The following SLCO5A1 variants were observed in gnomAD, a reference collection of about 807,000 sequenced individuals.
SLCO5A1 encodes organic anion transporter polypeptide-related protein 4.
In SLCO5A1, 39 loss-of-function variants were observed where a neutral mutation model predicts 65.1. The observed-to-expected ratio is 0.60, with a 90% CI of 0.46 to 0.78. SLCO5A1 has a LOEUF of 0.78. SLCO5A1 is among the 30% of genes least tolerant of loss of function. The pLI is 0.00. For synonymous variants in SLCO5A1, 438 were observed against 415.7 expected, an observed-to-expected ratio of 1.05 and a Z score of -0.65; for missense variants, 1,029 against 1,069.4, an observed-to-expected ratio of 0.96 and a Z score of 0.53.
chr8:69,832,314 G>A lies in SLCO5A1; in HGVS notation c.360C>T (p.Leu120=), dbSNP rs747938990. The change falls in exon 2 of 10, where the codon CTC becomes CTT. Residue 120 remains leucine (L), a synonymous_variant. Coordinates refer to ENST00000260126, the MANE Select transcript of SLCO5A1 (RefSeq NM_030958.3). The surrounding 1 kb of genome is among the most constrained non-coding windows in gnomAD (Gnocchi z 4.5). ...AACGGGAATCCGTGAGGACCACGTA[G>A]AGGCACCTTCTCTCCTGGAGCATGG... The part of the protein sequence containing the change: ...ALAMLQERRC[L]YVVLTDSRCF... The A allele has an allele frequency of 5.6e-6, 9 of 1,614,102 alleles. No individual in the cohort carries two copies. The highest frequency in any genetic ancestry group is 1.1e-5 in the South Asian group (1 of 91,094).
At chr8:69,702,883 AG>A (rs1814805535) in intron 6 of SLCO5A1, among the ~76,000 whole-genome samples, 1 of 152,074 alleles carries the variant, frequency 6.6e-6, no homozygotes, top group South Asian at 2.1e-4. Context: ...TGGGGGCAGG[AG>A]GATCATTTGA....
At chr8:69,729,874 G>A (rs16936383) in intron 5 of SLCO5A1, among the ~76,000 whole-genome samples, 7,683 of 152,116 alleles carry the variant, frequency 0.051, 416 homozygotes, top group African/African-American at 0.13. Flanking sequence ...CTCTCTTCGC[G>A]GGTGGGATTT....
At chr8:69,692,204 G>T (rs1055460572) in intron 6 of SLCO5A1, among the ~76,000 whole-genome samples, 1 of 152,188 alleles carries the variant, frequency 6.6e-6, no homozygotes, top group African/African-American at 2.4e-5. Flanking sequence ...AGCCAAGATC[G>T]TGCCACTGCA....
chr8:69,715,889 T>G (rs1450982697), intron 5 of SLCO5A1, among the ~76,000 whole-genome samples: 2 of 152,190 alleles, frequency 1.3e-5, no homozygotes, highest in African/African-American at 4.8e-5. Context: ...TTTTAGTATA[T>G]TCACAGAAAC....
At chr8:69,676,483 C>G in intron 9 of SLCO5A1, 126 bp downstream of exon 9, 1 of 675,268 alleles carries the variant, frequency 1.5e-6, no homozygotes, top group South Asian at 2.3e-5. Flanking sequence ...GTTGTACCCT[C>G]ACCACTAGCC....
At chr8:69,711,880 G>A (rs1815281284) in intron 5 of SLCO5A1, among the ~76,000 whole-genome samples, 1 of 128,528 alleles carries the variant, frequency 7.8e-6, no homozygotes, top group African/African-American at 3.1e-5. Flanking sequence ...ATTTTAACAA[G>A]CATGAATTTC....
At chr8:69,811,994 A>G (rs539613159) in intron 2 of SLCO5A1, among the ~76,000 whole-genome samples, 17 of 152,368 alleles carry the variant, frequency 1.1e-4, no homozygotes, top group South Asian at 2.1e-4. Flanking sequence ...CAGTAGGTTT[A>G]GAAGAAACCA....
rs1821185253 is a variant in SLCO5A1 at position 69,832,188 on chromosome 8, C to T, written c.486G>A (p.Leu162=). ...CCAGCAGCCCCGACTCGGAACTCTT[C>T]AGACTGTAGCGCCTTTCAATGGTGG... ...VITTIERRYS[L]KSSESGLLVS... Residue 162 remains leucine (L), a synonymous_variant, in exon 2 of 10, where the codon CTG becomes CTA. Coordinates refer to ENST00000260126, the MANE Select transcript of SLCO5A1 (RefSeq NM_030958.3). This position sits in a 1 kb window ranked among gnomAD's most constrained non-coding sequence, Gnocchi z 4.5. 9.9e-6 allele frequency: 16 copies of T among 1,614,210 alleles called. No individual in the cohort carries two copies. The highest frequency in any genetic ancestry group is 1.4e-5 in the Non-Finnish European group (16 of 1,180,042).
intron 2 of SLCO5A1, among the ~76,000 whole-genome samples, chr8:69,763,436 G>A (rs1817895599): frequency 6.6e-6 from 1 of 151,570 alleles, no homozygotes; most frequent in African/African-American, 2.4e-5. Context: ...CCAACATGGT[G>A]AAACCCCATT....
At chr8:69,750,896 A>T (rs1348560004) in intron 4 of SLCO5A1, among the ~76,000 whole-genome samples, 1 of 152,172 alleles carries the variant, frequency 6.6e-6, no homozygotes, top group Non-Finnish European at 1.5e-5. Flanking sequence ...GGAGTACAGC[A>T]CCCTCTATAG....
chr8:69,712,765 C>T (rs889365502), intron 5 of SLCO5A1, among the ~76,000 whole-genome samples: 11 of 152,128 alleles, frequency 7.2e-5, no homozygotes, highest in South Asian at 2.1e-4. Flanking sequence ...CACTGACCAA[C>T]GCCTAGTGTG....
In SLCO5A1 at chr8:69,767,458, G is replaced by A. The variant is rs189167095; in HGVS notation, c.908-5583C>T. ...TCAACAATCTTAGGACCTTGAGCAAGTTGCTTAAGCTCTCTGAGCCTGTTT... is the reference window on the plus strand; with the variant it reads ...TCAACAATCTTAGGACCTTGAGCAAATTGCTTAAGCTCTCTGAGCCTGTTT... On this transcript the variant is annotated intron_variant, in intron 2 of 9. Coordinates refer to ENST00000260126, the MANE Select transcript of SLCO5A1 (RefSeq NM_030958.3). Among the ~76,000 whole-genome samples, 343 of 152,312 alleles carry A rather than the reference G, an allele frequency of 2.3e-3. 1 individual carries two copies. The highest frequency in any genetic ancestry group is 7.8e-3 in the African/African-American group (325 of 41,568).
intron 4 of SLCO5A1, among the ~76,000 whole-genome samples, chr8:69,754,478 G>A (rs912516739): frequency 7.2e-5 from 11 of 152,072 alleles, no homozygotes; most frequent in African/African-American, 1.2e-4. Context: ...CAGTCAAAAC[G>A]AGATGATAAT....
chr8:69,726,629 A>G (rs1044783444), intron 5 of SLCO5A1, among the ~76,000 whole-genome samples: 1 of 151,692 alleles, frequency 6.6e-6, no homozygotes, highest in Non-Finnish European at 1.5e-5. Flanking sequence ...CCTCCTGAGT[A>G]GCTGGGATTA....
chr8:69,668,058 T>G lies in SLCO5A1; in HGVS notation c.*4811A>C, dbSNP rs1290468018. 6.6e-6 allele frequency: 1 copy of G among 152,226 alleles called. No homozygotes were observed. Among genetic ancestry groups the G allele is most frequent in the African/African-American group, 2.4e-5 (1 of 41,460 alleles). 9.4% of individuals were successfully genotyped at this position (152,226 alleles called of 1,614,324 possible). On this transcript the variant is annotated 3_prime_UTR_variant, in exon 10 of 10. Transcript: ENST00000260126. Reference sequence around the variant, plus strand: ...TAGCACCAAGGCATTTTTTTTAATGTTGCAAAAGCAAACACCTAGGGAGGG... The same window carrying G: ...TAGCACCAAGGCATTTTTTTTAATGGTGCAAAAGCAAACACCTAGGGAGGG...
At chr8:69,824,966 G>C (rs1388729876) in intron 2 of SLCO5A1, among the ~76,000 whole-genome samples, 1 of 151,968 alleles carries the variant, frequency 6.6e-6, no homozygotes, top group Admixed American at 6.6e-5. Flanking sequence ...TGCAAGGCTG[G>C]TTCAATATAC....
At position 69,668,268 on chromosome 8, in the gene SLCO5A1, A is replaced by T. The variant is rs1416532325; in HGVS notation, c.*4601T>A. The T allele has an allele frequency of 1.3e-5, 2 of 152,248 alleles. No homozygotes were observed. Among genetic ancestry groups the T allele is most frequent in the Non-Finnish European group, 2.9e-5 (2 of 68,050 alleles). The allele number at this position is 152,248 out of a possible 1,614,324, so 9.4% of individuals were successfully genotyped here. ...ATGAAGAAGAGAAAAAGACAAAAAG[A>T]TAAAGTGCATGAGGCAACTACCTTT... On this transcript the variant is annotated 3_prime_UTR_variant, in exon 10 of 10. Transcript: ENST00000260126.
chr8:69,760,935 A>T (rs1485714265), intron 3 of SLCO5A1, among the ~76,000 whole-genome samples: 1 of 152,238 alleles, frequency 6.6e-6, no homozygotes, highest in Non-Finnish European at 1.5e-5. Flanking sequence ...AAAAAGGGTC[A>T]CTGAGAGTGT....
intron 5 of SLCO5A1, among the ~76,000 whole-genome samples, chr8:69,733,746 G>A (rs535460513): frequency 9.2e-5 from 14 of 152,238 alleles, no homozygotes; most frequent in African/African-American, 3.1e-4. Flanking sequence ...TATGTAAGAC[G>A]TGCCTCTTCC....
Sources: allele counts gnomAD v4.1 joint callset (sites outside exome capture counted in the v4.1 genomes callset), GRCh38; gene constraint gnomAD v4.1.1; non-coding constraint Gnocchi (gnomAD v3.1); transcripts MANE v1.5; gene names NCBI Gene and HGNC (gene_info 2026-07-23, HGNC 2026-07-21).